Variants in ANO10 observed in about 807,000 individuals in gnomAD.
The protein encoded by ANO10 is anoctamin 10.
ANO10 carries 77 observed loss-of-function variants against 74.7 expected under a neutral mutation model. The observed-to-expected ratio is 1.03, with a 90% CI of 0.86 to 1.25. The LOEUF is 1.25. Ranked by LOEUF, ANO10 falls within the 50% of genes most tolerant of loss-of-function variation. The probability of loss-of-function intolerance (pLI) is 0.00; values close to 1 mark genes in which losing one functional copy is unlikely to be tolerated. For missense variants in ANO10, 721 were observed against 778.1 expected (o/e 0.93, Z 0.87); for synonymous variants, 279 against 284.9 (o/e 0.98, Z 0.21).
chr3:43,545,382 GT>G (rs1037420841), intron 11 of ANO10, among the ~76,000 whole-genome samples: 2 of 150,188 alleles, frequency 1.3e-5, no homozygotes, highest in Non-Finnish European at 3.0e-5. Flanking sequence ...TTGTTTGTTT[GT>G]TTTTTTTTTA....
chr3:43,614,874 T>C (rs1384307384), intron 1 of ANO10, among the ~76,000 whole-genome samples: 1 of 147,618 alleles, frequency 6.8e-6, no homozygotes, highest in Non-Finnish European at 1.5e-5. Context: ...TAAAAGTTCA[T>C]TACAGATTTT....
chr3:43,637,605 G>C (rs1254742847), intron 1 of ANO10: 1 of 149,872 alleles, frequency 6.7e-6, no homozygotes. Flanking sequence ...TCACCTACTA[G>C]ATAAAGAAGC....
chr3:43,496,402 A>G (rs1483054234), intron 11 of ANO10, among the ~76,000 whole-genome samples: 1 of 152,120 alleles, frequency 6.6e-6, no homozygotes, highest in Non-Finnish European at 1.5e-5. Context: ...TTTCAGAAGC[A>G]CAGATCAGAA....
intron 12 of ANO10, among the ~76,000 whole-genome samples, chr3:43,367,731 C>T (rs1012742768): frequency 6.6e-6 from 1 of 152,160 alleles, no homozygotes; most frequent in Non-Finnish European, 1.5e-5. Flanking sequence ...CTGAAGCTCC[C>T]AGTCACTTCG....
intron 1 of ANO10, chr3:43,690,634 C>A (rs1342086402): frequency 7.8e-6 from 2 of 256,754 alleles, no homozygotes; most frequent in Non-Finnish European, 1.5e-5. Context: ...CAAGGTGCCA[C>A]CTGACAGCCA....
intron 12 of ANO10, among the ~76,000 whole-genome samples, chr3:43,399,940 C>T (rs1023436695): frequency 2.6e-5 from 4 of 152,048 alleles, no homozygotes; most frequent in East Asian, 1.9e-4. Context: ...AATGAACTGC[C>T]CAGGTGCTGG....
At chr3:43,384,695 G>T (rs915028061) in intron 12 of ANO10, among the ~76,000 whole-genome samples, 2 of 152,156 alleles carry the variant, frequency 1.3e-5, no homozygotes, top group African/African-American at 4.8e-5. Context: ...AACAAATGGT[G>T]GTCGGATAAT....
intron 11 of ANO10, among the ~76,000 whole-genome samples, chr3:43,516,160 A>G (rs1029532142): frequency 2.6e-5 from 4 of 152,202 alleles, no homozygotes; most frequent in Non-Finnish European, 5.9e-5. Flanking sequence ...AGAACTGATC[A>G]ACTAGGGGAG....
intron 11 of ANO10, among the ~76,000 whole-genome samples, chr3:43,509,014 T>C (rs1418120814): frequency 6.7e-6 from 1 of 149,170 alleles, no homozygotes; most frequent in Non-Finnish European, 1.5e-5. Flanking sequence ...GTGGCACATA[T>C]ACATCATGGA....
Position 43,643,678 on chromosome 3 carries a change from C to CTTTTTTTTTTTTTTTTTTTTTT in ANO10, c.-11-37816_-11-37815insAAAAAAAAAAAAAAAAAAAAAA, listed in dbSNP as rs1310556861. Among the ~76,000 whole-genome samples the CTTTTTTTTTTTTTTTTTTTTTT allele has an allele frequency of 2.3e-4, 31 of 133,610 alleles. 1 individual carries two copies. Among genetic ancestry groups the CTTTTTTTTTTTTTTTTTTTTTT allele is most frequent in the African/African-American group, 9.0e-4 (29 of 32,114 alleles). 87.7% of individuals were successfully genotyped at this position (133,610 alleles called of 152,430 possible). On this transcript the variant is annotated intron_variant, in intron 1 of 3. Coordinates refer to the ANO10 transcript ENST00000413397. ...AAGCTTTTCATGTACTTGTCCTCAT[C>CTTTTTTTTTTTTTTTTTTTTTT]TTTTCTTTTTTTTTTTTTTTTTTTA... is the stretch of plus-strand genomic sequence containing the variant.
At chr3:43,491,457 T>G (rs1438015528) in intron 11 of ANO10, among the ~76,000 whole-genome samples, 4 of 152,132 alleles carry the variant, frequency 2.6e-5, no homozygotes, top group African/African-American at 9.7e-5. Context: ...GGGGCTGCAG[T>G]GAGCCAAGAT....
Position 43,487,783 on chromosome 3 carries a change from G to GT in ANO10, c.1798-55057dup, listed in dbSNP as rs769040908. ...CCTGGATTCATTAATTTTTCGAAGG[G>GT]TTTTTTGTGTCTCTTGTGTCTCTAT... On this transcript the variant is annotated intron_variant, in intron 11 of 12. Coordinates refer to ENST00000292246, the MANE Select transcript of ANO10 (RefSeq NM_018075.5). 2.6e-5 allele frequency among the ~76,000 whole-genome samples: 4 copies of GT among 152,092 alleles called. No individual in the cohort carries two copies. The South Asian group carries it at 8.3e-4, about 32-fold the overall frequency.
chr3:43,537,850 C>G (rs902888215), intron 11 of ANO10, among the ~76,000 whole-genome samples: 2 of 152,018 alleles, frequency 1.3e-5, no homozygotes, highest in African/African-American at 4.8e-5. Flanking sequence ...TCTGTAAGCA[C>G]CCTGGAGTCC....
intron 11 of ANO10, among the ~76,000 whole-genome samples, chr3:43,453,106 A>C (rs1312325111): frequency 6.6e-6 from 1 of 151,940 alleles, no homozygotes; most frequent in East Asian, 1.9e-4. Context: ...AAATATCTGC[A>C]ACCTTTCTGT....
At chr3:43,624,460 TAGTG>T (rs1165423856), upstream of ANO10, among the ~76,000 whole-genome samples, 1 of 152,172 alleles carries the variant, frequency 6.6e-6, no homozygotes, top group Non-Finnish European at 1.5e-5. Flanking sequence ...GTCCTCGAAA[TAGTG>T]AGAGACTTTT....
At chr3:43,578,957 T>C (rs1173696546) in intron 5 of ANO10, among the ~76,000 whole-genome samples, 1 of 152,060 alleles carries the variant, frequency 6.6e-6, no homozygotes, top group Non-Finnish European at 1.5e-5. Flanking sequence ...AAATTCAAAA[T>C]GTAATTTAGG....
At chr3:43,380,969 C>T (rs933792669) in intron 12 of ANO10, among the ~76,000 whole-genome samples, 6 of 152,220 alleles carry the variant, frequency 3.9e-5, no homozygotes, top group South Asian at 2.1e-4. Flanking sequence ...ACAATCATGG[C>T]GGAAGGGGAA....
At chr3:43,689,720 T>C (rs1439853469) in intron 1 of ANO10, among the ~76,000 whole-genome samples, 1 of 152,072 alleles carries the variant, frequency 6.6e-6, no homozygotes, top group Non-Finnish European at 1.5e-5. Context: ...GAGAGCTAGA[T>C]GGGTGATAAA....
At chr3:43,671,355 C>T (rs1208488834) in intron 1 of ANO10, among the ~76,000 whole-genome samples, 1 of 152,014 alleles carries the variant, frequency 6.6e-6, no homozygotes, top group East Asian at 1.9e-4. Context: ...ATAAGCACAC[C>T]GACAAAAATA....
Sources: gnomAD v4.1 joint callset for allele counts (sites outside exome capture counted in the v4.1 genomes callset) on GRCh38, gnomAD v4.1.1 for gene constraint, MANE v1.5 for transcripts, NCBI Gene and HGNC (gene_info 2026-07-23, HGNC 2026-07-21) for gene names.